The following KLF12 variants were observed in gnomAD, a reference collection of about 807,000 sequenced individuals.
KLF12 encodes the protein KLF transcription factor 12.
A neutral mutation model predicts 37.8 loss-of-function variants in KLF12; 9 were observed. The ratio of observed to expected loss-of-function variants is 0.24; its 90% CI spans 0.14 to 0.42. KLF12 has a LOEUF of 0.42. Among genes scored for constraint, KLF12 ranks in the 10% least tolerant of loss-of-function variants. The pLI is 1.00. For synonymous variants in KLF12, 208 were observed against 202.1 expected (o/e 1.03, Z -0.25); for missense variants, 411 against 516.0 (o/e 0.80, Z 1.97).
intron 3 of KLF12, among the ~76,000 whole-genome samples, chr13:73,862,661 A>C (rs2138814660): frequency 6.6e-6 from 1 of 152,296 alleles, no homozygotes; most frequent in South Asian, 2.1e-4. Flanking sequence ...GATTTCAACA[A>C]CATATCTTAG....
At chr13:74,239,774 T>C in the KLF12 span, among the ~76,000 whole-genome samples, 2 of 152,112 alleles carry the variant, frequency 1.3e-5, no homozygotes, top group Non-Finnish European at 2.9e-5. Context: ...CCCTGCCTTT[T>C]TTTTTGCTTT....
At chr13:73,803,257 T>C (rs900798059) in intron 5 of KLF12, among the ~76,000 whole-genome samples, 1 of 152,222 alleles carries the variant, frequency 6.6e-6, no homozygotes, top group Non-Finnish European at 1.5e-5. Context: ...TTTTAAGGAA[T>C]TATAATGAAT....
At chr13:73,797,150 AT>A (rs1250910476) in intron 5 of KLF12, among the ~76,000 whole-genome samples, 7 of 152,170 alleles carry the variant, frequency 4.6e-5, no homozygotes, top group Admixed American at 3.9e-4. Context: ...TATGTAAAAA[AT>A]ACCTCAAAAA....
the KLF12 span, among the ~76,000 whole-genome samples, chr13:74,151,164 T>A: frequency 1.3e-5 from 2 of 152,228 alleles, no homozygotes; most frequent in Non-Finnish European, 2.9e-5. Context: ...ATAGAGAATT[T>A]GCCTTAGAGC....
chr13:73,807,035 G>A (rs1287194949), intron 5 of KLF12, among the ~76,000 whole-genome samples: 5 of 152,058 alleles, frequency 3.3e-5, no homozygotes, highest in East Asian at 1.9e-4. Context: ...GGCCGGGCAC[G>A]GTGGCTCACA....
At chr13:73,711,007 T>C (rs780115604) in intron 7 of KLF12, among the ~76,000 whole-genome samples, 2 of 152,218 alleles carry the variant, frequency 1.3e-5, no homozygotes, top group Admixed American at 1.3e-4. Flanking sequence ...TATCGCTGAT[T>C]TGGAGAAAGT....
Position 73,691,143 on chromosome 13 carries a change from T to G in KLF12, c.*4347A>C, listed in dbSNP as rs1873799550. 1 of 152,668 alleles carries G rather than the reference T, an allele frequency of 6.6e-6. No individual in the cohort carries two copies. The highest frequency in any genetic ancestry group is 1.5e-5 in the Non-Finnish European group (1 of 68,034). 9.5% of individuals were successfully genotyped at this position (152,668 alleles called of 1,614,324 possible). On this transcript the variant is annotated 3_prime_UTR_variant, in exon 8 of 8. Coordinates refer to ENST00000377669, the MANE Select transcript of KLF12 (RefSeq NM_007249.5). ...TACAAATTCTTTTTAAAAAAGTTCT[T>G]TGCTGATATTTGTTAGCCCACTGGC...
chr13:74,096,111 T>C (rs770520900), intron 1 of KLF12, among the ~76,000 whole-genome samples: 17 of 152,202 alleles, frequency 1.1e-4, no homozygotes, highest in East Asian at 1.9e-4. Flanking sequence ...TGAGTGCACA[T>C]AGGCTCTTTC....
intron 1 of KLF12, among the ~76,000 whole-genome samples, chr13:74,088,229 C>T (rs1566206219): frequency 6.6e-6 from 1 of 152,032 alleles, no homozygotes; most frequent in Non-Finnish European, 1.5e-5. Flanking sequence ...GGAATTTAAC[C>T]CACCATAGAA....
chr13:73,756,779 A>T (rs556334359), intron 6 of KLF12, among the ~76,000 whole-genome samples: 19 of 152,032 alleles, frequency 1.2e-4, no homozygotes, highest in African/African-American at 4.1e-4. Context: ...GACCAATCAT[A>T]CTCTAGCTTC....
chr13:74,149,932 C>T, the KLF12 span, among the ~76,000 whole-genome samples: 1 of 152,190 alleles, frequency 6.6e-6, no homozygotes, highest in Non-Finnish European at 1.5e-5. Flanking sequence ...GGTTGCATTT[C>T]CTCACCTTCT....
At chr13:74,177,219 C>T in the KLF12 span, among the ~76,000 whole-genome samples, 2 of 152,066 alleles carry the variant, frequency 1.3e-5, no homozygotes, top group African/African-American at 4.8e-5. Flanking sequence ...ACACATAGAG[C>T]CCAGAGCATT....
intron 5 of KLF12, among the ~76,000 whole-genome samples, chr13:73,805,650 GAGGAAGGA>G (rs1164051826): frequency 0.051 from 1,874 of 36,790 alleles, 128 homozygotes; most frequent in African/African-American, 0.1. Flanking sequence ...GGGAGGGAGG[GAGGAAGGA>G]AGGAAGGAAG....
At chr13:74,253,194 ACGTT>A in the KLF12 span, among the ~76,000 whole-genome samples, 2 of 152,222 alleles carry the variant, frequency 1.3e-5, no homozygotes, top group Non-Finnish European at 2.9e-5. Context: ...TTTTAAAATA[ACGTT>A]AATCTAAAGC....
At chr13:74,026,121 A>C in intron 1 of KLF12, among the ~76,000 whole-genome samples, 1 of 151,520 alleles carries the variant, frequency 6.6e-6, no homozygotes, top group Admixed American at 6.6e-5. Flanking sequence ...TGGATTGCAA[A>C]TTCATTACAT....
At chr13:73,713,259 A>G (rs1875541337) in intron 7 of KLF12, among the ~76,000 whole-genome samples, 1 of 152,192 alleles carries the variant, frequency 6.6e-6, no homozygotes, top group African/African-American at 2.4e-5. Flanking sequence ...AGACCTAAAC[A>G]GCACCGTAAG....
chr13:73,929,732 C>T (rs1004564100), intron 3 of KLF12, among the ~76,000 whole-genome samples: 2 of 152,182 alleles, frequency 1.3e-5, no homozygotes, highest in East Asian at 1.9e-4. Context: ...AATGTCACAG[C>T]CTCTGCCACA....
chr13:73,919,810 G>A (rs552918706), intron 3 of KLF12, among the ~76,000 whole-genome samples: 3 of 152,082 alleles, frequency 2.0e-5, no homozygotes, highest in African/African-American at 7.3e-5. Flanking sequence ...AGGTGTTCTA[G>A]TACATCAGGG....
At chr13:73,740,092 G>T (rs549976176) in intron 6 of KLF12, among the ~76,000 whole-genome samples, 1 of 152,254 alleles carries the variant, frequency 6.6e-6, no homozygotes, top group Admixed American at 6.5e-5. Flanking sequence ...CTGAAAGCTG[G>T]TTTTTTAAAT....
Sources: allele counts gnomAD v4.1 joint callset (sites outside exome capture counted in the v4.1 genomes callset), GRCh38; gene constraint gnomAD v4.1.1; transcripts MANE v1.5; gene names NCBI Gene and HGNC (gene_info 2026-07-23, HGNC 2026-07-21).